GUCY1A2: variants seen among roughly 807,000 people sequenced by gnomAD.
GUCY1A2 encodes the protein guanylate cyclase soluble subunit alpha-2.
A neutral mutation model predicts 63.5 loss-of-function variants in GUCY1A2; 27 were observed. The ratio of observed to expected loss-of-function variants is 0.43; its 90% CI spans 0.31 to 0.59. GUCY1A2 has a LOEUF of 0.59. Among genes scored for constraint, GUCY1A2 ranks in the 20% least tolerant of loss-of-function variants. The pLI is 0.11. For missense variants in GUCY1A2, 768 were observed against 913.3 expected, an observed-to-expected ratio of 0.84 and a Z score of 2.05; for synonymous variants, 364 against 343.5, an observed-to-expected ratio of 1.06 and a Z score of -0.66.
chr11:106,690,532 G>T (rs1338892894), intron 7 of GUCY1A2, among the ~76,000 whole-genome samples: 5 of 152,158 alleles, frequency 3.3e-5, no homozygotes, highest in Non-Finnish European at 5.9e-5. Flanking sequence ...AGGGTGGAGG[G>T]TGAAGGATGG....
At chr11:106,950,518 C>T (rs1405904037) in intron 3 of GUCY1A2, among the ~76,000 whole-genome samples, 1 of 152,204 alleles carries the variant, frequency 6.6e-6, no homozygotes, top group Non-Finnish European at 1.5e-5. Flanking sequence ...TTTGGAATCT[C>T]CCTGCAGATA....
chr11:106,695,295 A>T (rs1438288965), intron 7 of GUCY1A2, among the ~76,000 whole-genome samples: 1 of 152,198 alleles, frequency 6.6e-6, no homozygotes, highest in Non-Finnish European at 1.5e-5. Context: ...TGTCGTTTCA[A>T]AAAAGATTAA....
chr11:106,715,567 A>C lies in GUCY1A2; in HGVS notation c.1837-6901T>G, dbSNP rs189556313. On this transcript the variant is annotated intron_variant, in intron 6 of 7. Transcript: ENST00000526355. The stretch of plus-strand genomic sequence containing the variant: ...CCTACTTCATCTACACAGAAGAGTT[A>C]GCATATTCCAATTGAAACTCAGAAA... Among the ~76,000 whole-genome samples the C allele has an allele frequency of 3.2e-3, 493 of 152,358 alleles. 1 individual carries two copies. The highest frequency in any genetic ancestry group is 0.011 in the African/African-American group (478 of 41,586).
chr11:107,002,887 A>G (rs1213772388), intron 1 of GUCY1A2, among the ~76,000 whole-genome samples: 1 of 152,194 alleles, frequency 6.6e-6, no homozygotes, highest in Non-Finnish European at 1.5e-5. Flanking sequence ...GAATAAAACC[A>G]AAATATGACA....
At chr11:106,960,989 T>A (rs915737839) in intron 3 of GUCY1A2, among the ~76,000 whole-genome samples, 1 of 152,088 alleles carries the variant, frequency 6.6e-6, no homozygotes, top group African/African-American at 2.4e-5. Context: ...GAAGGAAGGA[T>A]GCTAAGTGGA....
intron 6 of GUCY1A2, among the ~76,000 whole-genome samples, chr11:106,711,561 CT>C (rs1268621506): frequency 6.6e-6 from 1 of 152,120 alleles, no homozygotes; most frequent in Admixed American, 6.6e-5. Context: ...TTCTTCATGT[CT>C]TGGCACATAT....
At chr11:106,951,178 T>C (rs963599041) in intron 3 of GUCY1A2, among the ~76,000 whole-genome samples, 7 of 152,238 alleles carry the variant, frequency 4.6e-5, no homozygotes, top group Admixed American at 4.6e-4. Context: ...TCTTTGTTAT[T>C]GTAAACAGTG....
At chr11:106,727,125 T>C (rs1863421509) in intron 6 of GUCY1A2, among the ~76,000 whole-genome samples, 1 of 152,108 alleles carries the variant, frequency 6.6e-6, no homozygotes, top group Non-Finnish European at 1.5e-5. Context: ...AAGTCAAGTG[T>C]TGAAGTATGA....
chr11:106,846,830 A>G (rs964347366), intron 4 of GUCY1A2, among the ~76,000 whole-genome samples: 1 of 151,608 alleles, frequency 6.6e-6, no homozygotes, highest in Non-Finnish European at 1.5e-5. Flanking sequence ...TCTGTGAAAT[A>G]GAGAATTCAA....
At chr11:107,014,158 G>A (rs185992095) in intron 1 of GUCY1A2, among the ~76,000 whole-genome samples, 1 of 134,124 alleles carries the variant, frequency 7.5e-6, no homozygotes, top group Admixed American at 8.5e-5. Flanking sequence ...GCGCAATCTC[G>A]GCTCACTACA....
chr11:106,856,320 A>G (rs1226142699), intron 4 of GUCY1A2, among the ~76,000 whole-genome samples: 2 of 152,178 alleles, frequency 1.3e-5, no homozygotes, highest in South Asian at 2.1e-4. Flanking sequence ...AGCTAGAAGA[A>G]AATTATTCCG....
At chr11:106,854,491 A>G (rs1591302914) in intron 4 of GUCY1A2, among the ~76,000 whole-genome samples, 1 of 152,208 alleles carries the variant, frequency 6.6e-6, no homozygotes, top group East Asian at 1.9e-4. Context: ...ACAAGGGGGC[A>G]TGTGGTGGTG....
At chr11:107,001,407 A>C (rs1271473572) in intron 1 of GUCY1A2, among the ~76,000 whole-genome samples, 1 of 152,182 alleles carries the variant, frequency 6.6e-6, no homozygotes, top group Non-Finnish European at 1.5e-5. Context: ...CAAGCATTCA[A>C]GGAAAATACA....
Position 106,919,962 on chromosome 11 carries a change from C to T in GUCY1A2, c.1206+19498G>A, listed in dbSNP as rs144461872. On this transcript the variant is annotated intron_variant, in intron 4 of 7. Transcript: ENST00000526355. ...AGATGTCCAAGAAAACATGTTAAAG[C>T]ACTTTAAAAATTGAGATGCGCTAAA... is the stretch of plus-strand genomic sequence containing the variant. Among the ~76,000 whole-genome samples, 845 of 152,146 alleles carry T rather than the reference C, an allele frequency of 5.6e-3. 2 individuals are homozygous for T. The highest frequency in any genetic ancestry group is 7.1e-3 in the Non-Finnish European group (484 of 67,978).
At chr11:106,827,766 G>A in intron 4 of GUCY1A2, 1 of 1,529,178 alleles carries the variant, frequency 6.5e-7, no homozygotes, top group East Asian at 2.2e-5. Context: ...AGGAGAAGCT[G>A]TTACCAAGAG....
chr11:106,986,001 T>C (rs1042362497), intron 2 of GUCY1A2, 69 bp downstream of exon 2: 65 of 843,792 alleles, frequency 7.7e-5, no homozygotes, highest in Non-Finnish European at 1.2e-4. Flanking sequence ...AATCACATAC[T>C]CAACAGCTAT....
At chr11:106,893,255 C>T (rs1859998354) in intron 4 of GUCY1A2, among the ~76,000 whole-genome samples, 1 of 152,110 alleles carries the variant, frequency 6.6e-6, no homozygotes, top group African/African-American at 2.4e-5. Context: ...AGGACTTTAA[C>T]TTGACTTTAA....
At chr11:106,696,041 G>A (rs1862713023) in intron 7 of GUCY1A2, among the ~76,000 whole-genome samples, 1 of 152,092 alleles carries the variant, frequency 6.6e-6, no homozygotes, top group South Asian at 2.1e-4. Context: ...GGCAAAGTGT[G>A]CTTAAGTATA....
chr11:106,955,454 C>A (rs967573580), intron 3 of GUCY1A2, among the ~76,000 whole-genome samples: 1 of 152,094 alleles, frequency 6.6e-6, no homozygotes, highest in African/African-American at 2.4e-5. Flanking sequence ...TTTTTCCTTT[C>A]CATATTTAGT....
Sources: allele counts gnomAD v4.1 joint callset (sites outside exome capture counted in the v4.1 genomes callset), GRCh38; gene constraint gnomAD v4.1.1; transcripts MANE v1.5; gene names NCBI Gene and HGNC (gene_info 2026-07-23, HGNC 2026-07-21).